The following MEI4 variants were observed in gnomAD, a reference collection of about 807,000 sequenced individuals.
MEI4 encodes meiosis-specific protein MEI4.
A neutral mutation model predicts 31.4 loss-of-function variants in MEI4; 27 were observed. The ratio of observed to expected loss-of-function variants is 0.86; its 90% CI spans 0.63 to 1.19. The LOEUF (loss-of-function observed/expected upper bound fraction) is 1.19, where lower values mean the gene tolerates loss of function less well. MEI4 is among the 50% of genes most tolerant of loss of function. The probability of loss-of-function intolerance (pLI) is 0.00; values close to 1 mark genes in which losing one functional copy is unlikely to be tolerated. For synonymous variants in MEI4, 122 were observed against 145.4 expected (o/e 0.84, Z 1.16); for missense variants, 329 against 398.9 (o/e 0.82, Z 1.49).
At chr6:77,822,259 T>A (rs1769843893) in intron 3 of MEI4, among the ~76,000 whole-genome samples, 1 of 152,140 alleles carries the variant, frequency 6.6e-6, no homozygotes, top group South Asian at 2.1e-4. Flanking sequence ...ACCTAATTAT[T>A]ACTTAAATTT....
intron 3 of MEI4, among the ~76,000 whole-genome samples, chr6:77,764,996 C>A (rs1768133914): frequency 1.3e-5 from 2 of 152,080 alleles, no homozygotes; most frequent in African/African-American, 4.8e-5. Flanking sequence ...ATGTCTACAT[C>A]AAAAAATAAG....
At chr6:77,722,995 C>T (rs199946479) in intron 2 of MEI4, among the ~76,000 whole-genome samples, 7,260 of 137,960 alleles carry the variant, frequency 0.053, 1,002 homozygotes, top group African/African-American at 0.16. Flanking sequence ...ACTATTTCCA[C>T]CCTTAATATA....
chr6:77,692,284 C>T (rs1240581429), intron 2 of MEI4, among the ~76,000 whole-genome samples: 1 of 152,050 alleles, frequency 6.6e-6, no homozygotes, highest in Non-Finnish European at 1.5e-5. Context: ...CCCACACAAG[C>T]ACCTCCTGTG....
At chr6:77,752,591 G>A (rs965103817) in intron 2 of MEI4, among the ~76,000 whole-genome samples, 6 of 152,250 alleles carry the variant, frequency 3.9e-5, no homozygotes, top group African/African-American at 1.2e-4. Flanking sequence ...ACAAACCACT[G>A]CTTAAGGAAA....
chr6:77,700,436 C>T (rs891191081), intron 2 of MEI4, among the ~76,000 whole-genome samples: 17 of 152,172 alleles, frequency 1.1e-4, no homozygotes, highest in South Asian at 4.1e-4. Flanking sequence ...TTTTTAAGCC[C>T]GTTGGAAAAG....
intron 4 of MEI4, among the ~76,000 whole-genome samples, chr6:77,874,148 T>A (rs1258019436): frequency 8.5e-5 from 13 of 152,148 alleles, no homozygotes; most frequent in South Asian, 4.1e-4. Context: ...GAAGAAAGTC[T>A]TTGGTAGCTT....
At chr6:77,734,762 G>A (rs1767131728) in intron 2 of MEI4, among the ~76,000 whole-genome samples, 1 of 152,010 alleles carries the variant, frequency 6.6e-6, no homozygotes, top group Non-Finnish European at 1.5e-5. Context: ...TGATTTTGCA[G>A]TGGCTGTTAC....
chr6:77,714,518 C>T (rs952076782), intron 2 of MEI4, among the ~76,000 whole-genome samples: 2 of 152,106 alleles, frequency 1.3e-5, no homozygotes, highest in Non-Finnish European at 2.9e-5. Context: ...ATTTGCAGTT[C>T]ATAAACTAGG....
At position 77,792,717 on chromosome 6, in the gene MEI4, A is replaced by AT. The variant is rs1202853502; in HGVS notation, c.768+31066dup. Among the ~76,000 whole-genome samples the AT allele has an allele frequency of 5.3e-3, 738 of 140,524 alleles. 9 individuals carry two copies. The highest frequency in any genetic ancestry group is 0.019 in the Admixed American group (261 of 14,030). 92.2% of individuals were successfully genotyped at this position (140,524 alleles called of 152,430 possible). A position where few individuals can be genotyped will look rare whatever the true frequency, so the allele number is the denominator to read the frequency against. The stretch of plus-strand genomic sequence containing the variant: ...GTGGATATCCAGTTTTCCCAACACT[A>AT]TTTTTTTTTTTTTTAGACGGAGTCT... On this transcript the variant is annotated intron_variant, in intron 3 of 4. Transcript: ENST00000684080.
chr6:77,881,855 TTAGGTCATTTGCA>T (rs1220876410), intron 4 of MEI4, among the ~76,000 whole-genome samples: 1 of 152,248 alleles, frequency 6.6e-6, no homozygotes, highest in Non-Finnish European at 1.5e-5. Context: ...TGTGACTTCC[TTAGGTCATTTGCA>T]TACATTCCTA....
chr6:77,919,814 G>C (rs562019024), intron 4 of MEI4, among the ~76,000 whole-genome samples: 2 of 148,756 alleles, frequency 1.3e-5, no homozygotes, highest in South Asian at 2.2e-4. Context: ...TGATAAAGGG[G>C]ATATCACCAC....
At position 77,808,266 on chromosome 6, in the gene MEI4, G is replaced by T. The variant is rs116590854; in HGVS notation, c.769-20665G>T. Among the ~76,000 whole-genome samples, 348 of 152,280 alleles carry T rather than the reference G, an allele frequency of 2.3e-3. 3 individuals carry two copies. The highest frequency in any genetic ancestry group is 7.6e-3 in the African/African-American group (316 of 41,562). On this transcript the variant is annotated intron_variant, in intron 3 of 4. Coordinates refer to ENST00000684080, the MANE Select transcript of MEI4 (RefSeq NM_001322247.2). ...GTCTGAAATCAAATGGAAACCCACT[G>T]AACAAAAGAATAATGTGATTCCAGT...
At position 77,780,335 on chromosome 6, in the gene MEI4, G is replaced by A. The variant is rs1768561413; in HGVS notation, c.768+18670G>A. ...TTTTGCAGGCAGAACTGATCTCTCTGGGGGAGGGTGATCAGATTAATTACC... is the reference window on the plus strand; with the variant it reads ...TTTTGCAGGCAGAACTGATCTCTCTAGGGGAGGGTGATCAGATTAATTACC... On this transcript the variant is annotated intron_variant, in intron 3 of 4. Coordinates refer to ENST00000684080, the MANE Select transcript of MEI4 (RefSeq NM_001322247.2). Among the ~76,000 whole-genome samples, 4 of 152,186 alleles carry A rather than the reference G, an allele frequency of 2.6e-5. No homozygotes were observed. In the South Asian group the frequency reaches 8.4e-4, roughly 32 times the overall value.
chr6:77,919,900 A>T (rs1309420735), intron 4 of MEI4, among the ~76,000 whole-genome samples: 1 of 149,826 alleles, frequency 6.7e-6, no homozygotes, highest in Non-Finnish European at 1.5e-5. Context: ...AAAATCTAGA[A>T]GAAATGGATA....
chr6:77,751,235 G>C (rs894738350), intron 2 of MEI4, among the ~76,000 whole-genome samples: 2 of 151,748 alleles, frequency 1.3e-5, no homozygotes, highest in Non-Finnish European at 2.9e-5. Context: ...ACAAATTCAA[G>C]AGCTATCAGA....
At chr6:77,900,707 C>G (rs1766169834) in intron 4 of MEI4, among the ~76,000 whole-genome samples, 1 of 151,906 alleles carries the variant, frequency 6.6e-6, no homozygotes, top group Admixed American at 6.6e-5. Context: ...TTTATATATA[C>G]ATACTTACAT....
chr6:77,910,984 C>T (rs1459037447), intron 4 of MEI4, among the ~76,000 whole-genome samples: 1 of 143,008 alleles, frequency 7.0e-6, no homozygotes, highest in Non-Finnish European at 1.5e-5. Context: ...TGAGACGGAT[C>T]ACATTGTAGT....
intron 1 of MEI4, among the ~76,000 whole-genome samples, chr6:77,680,826 G>A (rs886930744): frequency 6.6e-6 from 1 of 152,142 alleles, no homozygotes; most frequent in African/African-American, 2.4e-5. Context: ...AATTTGTGGT[G>A]TTCTCCTCAA....
chr6:77,755,851 T>TGTGC (rs200518214), intron 2 of MEI4, among the ~76,000 whole-genome samples: 17,833 of 151,752 alleles, frequency 0.12, 1,081 homozygotes, highest in Middle Eastern at 0.18. Flanking sequence ...TGTGTGTGTG[T>TGTGC]GTGTATTTTA....
Sources: allele counts gnomAD v4.1 joint callset (sites outside exome capture counted in the v4.1 genomes callset), GRCh38; gene constraint gnomAD v4.1.1; transcripts MANE v1.5; gene names NCBI Gene and HGNC (gene_info 2026-07-23, HGNC 2026-07-21).